CHD9: variants seen among roughly 807,000 people sequenced by gnomAD.
CHD9 encodes ATP-dependent chromatin remodeler CHD9.
A neutral mutation model predicts 316.1 loss-of-function variants in CHD9; 77 were observed. That is an observed-to-expected ratio of 0.24 (90% CI 0.20 to 0.29). The LOEUF (loss-of-function observed/expected upper bound fraction) is 0.29, where lower values mean the gene tolerates loss of function less well. Ranked by LOEUF, CHD9 falls within the 10% of genes least tolerant of loss-of-function variation. CHD9 has a pLI of 1.00. For missense variants in CHD9, 2,763 were observed against 3,438.1 expected (o/e 0.80, Z 4.91); for synonymous variants, 1,129 against 1,158.3 (o/e 0.97, Z 0.51).
intron 1 of CHD9, among the ~76,000 whole-genome samples, chr16:53,076,144 T>C (rs944736895): frequency 2.6e-5 from 4 of 152,258 alleles, no homozygotes; most frequent in African/African-American, 9.6e-5. Context: ...CTGTATCTTC[T>C]GGCTATTAAT....
At chr16:53,170,064 T>TTG (rs1567414739) in intron 2 of CHD9, among the ~76,000 whole-genome samples, 1 of 138,840 alleles carries the variant, frequency 7.2e-6, no homozygotes, top group Non-Finnish European at 1.6e-5. Flanking sequence ...TTTTTGTTTG[T>TTG]TTTTTTTTGG....
chr16:53,060,068 G>T (rs576123725), intron 1 of CHD9, among the ~76,000 whole-genome samples: 4 of 152,108 alleles, frequency 2.6e-5, no homozygotes, highest in Non-Finnish European at 4.4e-5. Flanking sequence ...AGCTGGCCAG[G>T]CATGGTGGCT....
chr16:53,308,505 G>A (rs963507779), intron 33 of CHD9, among the ~76,000 whole-genome samples, 181 bp from the exon 34 acceptor site: 3 of 152,076 alleles, frequency 2.0e-5, no homozygotes, highest in Non-Finnish European at 4.4e-5. Flanking sequence ...AAAATTTGGT[G>A]TTATTATAGA....
intron 2 of CHD9, among the ~76,000 whole-genome samples, chr16:53,166,647 T>C (rs996673582): frequency 6.6e-6 from 1 of 152,186 alleles, no homozygotes; most frequent in Non-Finnish European, 1.5e-5. Flanking sequence ...TTTCTCTATT[T>C]GGGCAATTGG....
chr16:53,102,940 G>C (rs2037013029), intron 1 of CHD9, among the ~76,000 whole-genome samples: 1 of 151,902 alleles, frequency 6.6e-6, no homozygotes, highest in African/African-American at 2.4e-5. Context: ...CCGCCTCCCG[G>C]GTTCACGCCA....
At chr16:53,062,768 C>T (rs570466598) in intron 1 of CHD9, among the ~76,000 whole-genome samples, 11 of 152,212 alleles carry the variant, frequency 7.2e-5, no homozygotes, top group Non-Finnish European at 1.0e-4. Flanking sequence ...CGATGGCTCA[C>T]GCCTGTAATC....
At chr16:53,097,801 T>C (rs1421357765) in intron 1 of CHD9, among the ~76,000 whole-genome samples, 1 of 152,338 alleles carries the variant, frequency 6.6e-6, no homozygotes, top group Non-Finnish European at 1.5e-5. Context: ...ATTGACGATA[T>C]TATTTTGATT....
intron 2 of CHD9, among the ~76,000 whole-genome samples, chr16:53,171,413 C>T (rs184553232): frequency 6.6e-5 from 10 of 151,980 alleles, no homozygotes; most frequent in South Asian, 4.2e-4. Context: ...AGCGAGACTC[C>T]GTCTCAAAAA....
chr16:53,300,608 A>G (rs911154503), intron 30 of CHD9, among the ~76,000 whole-genome samples: 1 of 152,230 alleles, frequency 6.6e-6, no homozygotes, highest in Non-Finnish European at 1.5e-5. Context: ...TTTTTAATGG[A>G]TAATAAAAAC....
intron 1 of CHD9, among the ~76,000 whole-genome samples, chr16:53,124,036 A>G (rs1272786943): frequency 6.6e-6 from 1 of 152,086 alleles, no homozygotes; most frequent in African/African-American, 2.4e-5. Context: ...CTTTTGGGCT[A>G]TTGTGAATCA....
intron 22 of CHD9, among the ~76,000 whole-genome samples, chr16:53,272,077 G>A (rs143639757): frequency 5.1e-4 from 77 of 152,006 alleles, no homozygotes; most frequent in African/African-American, 1.8e-3. Context: ...TGTTAGATGG[G>A]GGGAAAAATA....
At chr16:53,107,719 C>T (rs889812449) in intron 1 of CHD9, among the ~76,000 whole-genome samples, 5 of 151,812 alleles carry the variant, frequency 3.3e-5, no homozygotes, top group African/African-American at 1.2e-4. Context: ...ATAATTGGCA[C>T]ATTGTTACCT....
intron 27 of CHD9, among the ~76,000 whole-genome samples, chr16:53,289,793 G>A (rs541405568): frequency 6.6e-5 from 10 of 152,244 alleles, no homozygotes; most frequent in African/African-American, 2.4e-4. Context: ...AGGAGGATAT[G>A]GCCATGTCTC....
Position 53,247,683 on chromosome 16 carries a change from G to A in CHD9, c.3665+180G>A, listed in dbSNP as rs903165399. 6 of 566,394 alleles carry A rather than the reference G, an allele frequency of 1.1e-5. No homozygotes were observed. The Admixed American group carries it at 1.7e-4, about 16-fold the overall frequency. 35.1% of individuals were successfully genotyped at this position (566,394 alleles called of 1,614,324 possible). A position where few individuals can be genotyped will look rare whatever the true frequency, so the allele number is the denominator to read the frequency against. ...TGTTATATTTTCCTAACCTGCATAT[G>A]TTGCAATATTAGATGTGCCTGAGGA... On this transcript the variant is annotated intron_variant, in intron 16 of 38. Transcript: ENST00000447540.
intron 1 of CHD9, among the ~76,000 whole-genome samples, chr16:53,076,357 T>C (rs912509478): frequency 3.3e-5 from 5 of 152,074 alleles, no homozygotes; most frequent in Non-Finnish European, 7.4e-5. Context: ...GGCAGATCAC[T>C]TAAGGTCAGG....
intron 2 of CHD9, among the ~76,000 whole-genome samples, chr16:53,164,864 A>G (rs2042167961): frequency 6.6e-6 from 1 of 152,044 alleles, no homozygotes; most frequent in Admixed American, 6.6e-5. Context: ...CATGTTGCCC[A>G]GGTTGGTCTC....
intron 20 of CHD9, among the ~76,000 whole-genome samples, 200 bp downstream of exon 20, chr16:53,263,297 A>G (rs1378209318): frequency 6.6e-6 from 1 of 152,178 alleles, no homozygotes; most frequent in Non-Finnish European, 1.5e-5. Flanking sequence ...GGTTATCCCT[A>G]CAGGGAAGGT....
At chr16:53,107,734 A>G (rs534663760) in intron 1 of CHD9, among the ~76,000 whole-genome samples, 1 of 152,226 alleles carries the variant, frequency 6.6e-6, no homozygotes, top group African/African-American at 2.4e-5. Flanking sequence ...TTACCTGAGC[A>G]TGGGCATGAC....
At chr16:53,275,595 G>C (rs2052730472) in intron 24 of CHD9, among the ~76,000 whole-genome samples, 1 of 152,050 alleles carries the variant, frequency 6.6e-6, no homozygotes, top group Non-Finnish European at 1.5e-5. Context: ...AATACTACAA[G>C]TCACCTTTCC....
Sources: gnomAD v4.1 joint callset for allele counts (sites outside exome capture counted in the v4.1 genomes callset) on GRCh38, gnomAD v4.1.1 for gene constraint, MANE v1.5 for transcripts, NCBI Gene and HGNC (gene_info 2026-07-23, HGNC 2026-07-21) for gene names.